The following NACC1 variants were observed in gnomAD, a reference collection of about 807,000 sequenced individuals.
NACC1 encodes the protein nucleus accumbens-associated protein 1.
Under a neutral mutation model 41.7 loss-of-function variants are expected in NACC1, and 6 were observed. The observed-to-expected ratio is 0.14, with a 90% CI of 0.08 to 0.28. The LOEUF (loss-of-function observed/expected upper bound fraction) is 0.28, where lower values mean the gene tolerates loss of function less well. Among genes scored for constraint, NACC1 ranks in the 10% least tolerant of loss-of-function variants. NACC1 has a pLI of 1.00. For missense variants in NACC1, 434 were observed against 763.7 expected, an observed-to-expected ratio of 0.57 and a Z score of 5.09; for synonymous variants, 338 against 330.6, an observed-to-expected ratio of 1.02 and a Z score of -0.24.
chr19:13,121,432 C>T (rs1437620048), intron 1 of NACC1, among the ~76,000 whole-genome samples: 1 of 152,152 alleles, frequency 6.6e-6, no homozygotes, highest in African/African-American at 2.4e-5. Context: ...GATGGAAGTT[C>T]AGAACCCCTT....
rs1175643496 is a variant in NACC1 at position 13,136,980 on chromosome 19, C to T, written c.1121-291C>T. 6.6e-6 allele frequency among the ~76,000 whole-genome samples: 1 copy of T among 152,234 alleles called. No homozygotes were observed. The highest frequency in any genetic ancestry group is 2.4e-5 in the African/African-American group (1 of 41,444). On this transcript the variant is annotated intron_variant, in intron 3 of 5. Transcript: ENST00000292431. This position sits in a 1 kb window ranked among gnomAD's most constrained non-coding sequence, Gnocchi z 5.5. ...TCTAGCTGGTGACAGCCAGCGTGCC[C>T]ACCTCACACAGGCTTGCGGCACGAC...
chr19:13,129,943 G>A (rs1327950012), intron 1 of NACC1, among the ~76,000 whole-genome samples: 1 of 152,070 alleles, frequency 6.6e-6, no homozygotes, highest in Non-Finnish European at 1.5e-5. Context: ...CCTGTGGCCG[G>A]TGCTGGGTGC....
At chr19:13,123,705 G>A (rs557200402) in intron 1 of NACC1, among the ~76,000 whole-genome samples, 8 of 152,286 alleles carry the variant, frequency 5.3e-5, no homozygotes, top group African/African-American at 1.4e-4. Flanking sequence ...GGGCTCGGCC[G>A]GTCCGGGGTT....
In NACC1 at chr19:13,137,676, G is replaced by T. The variant is rs2019726145; in HGVS notation, c.1324+101G>T. 2 of 961,224 alleles carry T rather than the reference G, an allele frequency of 2.1e-6. No homozygotes were observed. The highest frequency in any genetic ancestry group is 3.1e-6 in the Non-Finnish European group (2 of 647,786). 59.5% of individuals were successfully genotyped at this position (961,224 alleles called of 1,614,324 possible). ...AGAGAGGGCTAGAGTTCAGTGTTGA[G>T]AAGCATTCTGGGGCTCATTCTAGCC... On this transcript the variant is annotated intron_variant, in intron 5 of 5. Coordinates refer to ENST00000292431, the MANE Select transcript of NACC1 (RefSeq NM_052876.4). The surrounding 1 kb of genome is among the most constrained non-coding windows in gnomAD (Gnocchi z 6.1).
intron 1 of NACC1, among the ~76,000 whole-genome samples, chr19:13,124,610 C>A (rs1315013186): frequency 6.6e-6 from 1 of 152,186 alleles, no homozygotes; most frequent in African/African-American, 2.4e-5. Flanking sequence ...AGGGGTCTTT[C>A]TGGTTCTGGG....
chr19:13,131,177 C>T (rs1339547123), intron 1 of NACC1, among the ~76,000 whole-genome samples: 1 of 152,204 alleles, frequency 6.6e-6, no homozygotes, highest in East Asian at 1.9e-4. Context: ...CCTTTTAGGG[C>T]TGTGTCCCCA....
At chr19:13,123,856 A>T (rs562307504) in intron 1 of NACC1, among the ~76,000 whole-genome samples, 19 of 152,292 alleles carry the variant, frequency 1.2e-4, no homozygotes, top group African/African-American at 4.6e-4. Flanking sequence ...TTCACCAGCT[A>T]CATGTTCCCC....
In NACC1 at chr19:13,136,528, G is replaced by A. The variant is rs1201125860; in HGVS notation, c.1120+123G>A. 3 of 1,162,882 alleles carry A rather than the reference G, an allele frequency of 2.6e-6. No homozygotes were observed. Among genetic ancestry groups the A allele is most frequent in the Non-Finnish European group, 3.5e-6 (3 of 847,152 alleles). The allele number at this position is 1,162,882 out of a possible 1,614,324, so 72.0% of individuals were successfully genotyped here. A position where few individuals can be genotyped will look rare whatever the true frequency, so the allele number is the denominator to read the frequency against. ...GTTTCCCTATCTGTGCTGTAGTGTT[G>A]GTAACAGCCACCCTAAGGGTGGGGG... On this transcript the variant is annotated intron_variant, in intron 3 of 5. Coordinates refer to ENST00000292431, the MANE Select transcript of NACC1 (RefSeq NM_052876.4). This position sits in a 1 kb window ranked among gnomAD's most constrained non-coding sequence, Gnocchi z 5.5.
intron 1 of NACC1, among the ~76,000 whole-genome samples, chr19:13,128,440 A>G (rs1428597185): frequency 6.6e-6 from 1 of 152,168 alleles, no homozygotes; most frequent in East Asian, 1.9e-4. Context: ...ATTAACCTTA[A>G]TTAGCTCCCA....
chr19:13,122,531 G>C (rs897363949), intron 1 of NACC1, among the ~76,000 whole-genome samples: 8 of 150,902 alleles, frequency 5.3e-5, no homozygotes, highest in African/African-American at 1.7e-4. Context: ...GCCGGGGGGG[G>C]GGGGGTGTGC....
chr19:13,135,255 C>T lies in NACC1; in HGVS notation c.48C>T (p.Ile16=), dbSNP rs755271292. The T allele has an allele frequency of 2.5e-6, 4 of 1,613,554 alleles. No homozygotes were observed. Among genetic ancestry groups the T allele is most frequent in the Non-Finnish European group, 3.4e-6 (4 of 1,179,902 alleles). The part of the protein sequence containing the change: ...QMEIPNFGNS[I]LECLNEQRLQ... ...AGATCCCGAACTTCGGCAACAGCAT[C>T]CTGGAGTGCCTCAATGAACAGCGGC... Residue 16 remains isoleucine (I), a synonymous_variant, in exon 2 of 6, where the codon ATC becomes ATT. Coordinates refer to ENST00000292431, the MANE Select transcript of NACC1 (RefSeq NM_052876.4).
intron 1 of NACC1, among the ~76,000 whole-genome samples, chr19:13,125,727 A>T (rs1286802024): frequency 6.9e-6 from 1 of 145,538 alleles, no homozygotes; most frequent in Non-Finnish European, 1.5e-5. Flanking sequence ...GCCCTTTTTA[A>T]ATTTTTGATC....
chr19:13,130,710 A>G (rs1456921632), intron 1 of NACC1, among the ~76,000 whole-genome samples: 1 of 151,586 alleles, frequency 6.6e-6, no homozygotes, highest in Admixed American at 6.6e-5. Context: ...TAATTTTTGT[A>G]TTTTTAGTAG....
rs1232883378 is a variant in NACC1 at position 13,135,219 on chromosome 19, A to G, written c.12A>G (p.Thr4=). MAQ[T]LQMEIPNFGN... is the part of the protein sequence containing the mutation. ...GTGCAGCCGCTGCCATGGCCCAGAC[A>G]CTGCAGATGGAGATCCCGAACTTCG... Residue 4 remains threonine (T), a synonymous_variant, in exon 2 of 6, where the codon ACA becomes ACG. Coordinates refer to ENST00000292431, the MANE Select transcript of NACC1 (RefSeq NM_052876.4). 3.1e-6 allele frequency: 5 copies of G among 1,605,754 alleles called. No homozygotes were observed. The highest frequency in any genetic ancestry group is 1.7e-4 in the Middle Eastern group (1 of 6,042).
chr19:13,124,096 G>A (rs1217189641), intron 1 of NACC1, among the ~76,000 whole-genome samples: 1 of 152,040 alleles, frequency 6.6e-6, no homozygotes, highest in Admixed American at 6.6e-5. Flanking sequence ...AAATCTGTGG[G>A]TGTATAAGAA....
rs2019664762 is a variant in NACC1 at position 13,133,805 on chromosome 19, C to CTGGGTCATATGGTAACTCTCTTTAACCGT, written c.-8-1393_-8-1365dup. 2.6e-5 allele frequency among the ~76,000 whole-genome samples: 4 copies of CTGGGTCATATGGTAACTCTCTTTAACCGT among 152,226 alleles called. No individual in the cohort carries two copies. The South Asian group carries it at 8.3e-4, about 32-fold the overall frequency. Reference sequence around the variant, plus strand: ...GGCATAAATTCCAGGAGTGGAATCGCTGGGTCATATGGTAACTCTCTTTAA... The same window carrying CTGGGTCATATGGTAACTCTCTTTAACCGT: ...GGCATAAATTCCAGGAGTGGAATCGCTGGGTCATATGGTAACTCTCTTTAACCGTTGGGTCATATGGTAACTCTCTTTAA... On this transcript the variant is annotated intron_variant, in intron 1 of 5. Transcript: ENST00000292431.
chr19:13,122,780 G>A (rs8109318), intron 1 of NACC1, among the ~76,000 whole-genome samples: 26,960 of 152,110 alleles, frequency 0.18, 2,646 homozygotes, highest in Non-Finnish European at 0.19. Flanking sequence ...TGAAATGTGC[G>A]AGGTCTGGGA....
chr19:13,126,016 C>T (rs1367738558), intron 1 of NACC1, among the ~76,000 whole-genome samples: 3 of 151,472 alleles, frequency 2.0e-5, no homozygotes, highest in African/African-American at 4.9e-5. Flanking sequence ...AGATTACAGG[C>T]GTGAACCACC....
chr19:13,122,169 C>G (rs2019503502), intron 1 of NACC1, among the ~76,000 whole-genome samples: 1 of 152,182 alleles, frequency 6.6e-6, no homozygotes, highest in Non-Finnish European at 1.5e-5. Flanking sequence ...GGTCATGTCC[C>G]TCCAGCCTTC....
Sources: allele counts gnomAD v4.1 joint callset (sites outside exome capture counted in the v4.1 genomes callset), GRCh38; gene constraint gnomAD v4.1.1; non-coding constraint Gnocchi (gnomAD v3.1); transcripts MANE v1.5; gene names NCBI Gene and HGNC (gene_info 2026-07-23, HGNC 2026-07-21).